SLC16A12: variants seen among roughly 807,000 people sequenced by gnomAD.
SLC16A12 encodes the protein monocarboxylate transporter 12.
In SLC16A12, 17 loss-of-function variants were observed where a neutral mutation model predicts 42.4. The observed-to-expected ratio is 0.40, with a 90% confidence interval of 0.27 to 0.60. SLC16A12 has a LOEUF of 0.60. Ranked by LOEUF, SLC16A12 falls within the 20% of genes least tolerant of loss-of-function variation. SLC16A12 has a pLI of 0.42. For missense variants in SLC16A12, 544 were observed against 623.0 expected, an observed-to-expected ratio of 0.87 and a Z score of 1.35; for synonymous variants, 224 against 229.4, an observed-to-expected ratio of 0.98 and a Z score of 0.21.
At chr10:89,520,008 G>C (rs1843327140) in intron 2 of SLC16A12, among the ~76,000 whole-genome samples, 1 of 151,556 alleles carries the variant, frequency 6.6e-6, no homozygotes, top group Non-Finnish European at 1.5e-5. Context: ...AGCTACTCGG[G>C]AGGCTGAGGC....
intron 7 of SLC16A12, among the ~76,000 whole-genome samples, chr10:89,435,024 C>T (rs1472128943): frequency 6.6e-6 from 1 of 152,214 alleles, no homozygotes; most frequent in Non-Finnish European, 1.5e-5. Flanking sequence ...GCTAGTTACA[C>T]ATGCAATATG....
chr10:89,523,549 C>T (rs1413803335), intron 2 of SLC16A12, among the ~76,000 whole-genome samples: 3 of 152,200 alleles, frequency 2.0e-5, no homozygotes, highest in Admixed American at 6.5e-5. Context: ...GGAGTCTCTA[C>T]TATTTATCTT....
At chr10:89,499,421 G>C (rs767792152) in intron 2 of SLC16A12, among the ~76,000 whole-genome samples, 3 of 152,114 alleles carry the variant, frequency 2.0e-5, no homozygotes, top group Non-Finnish European at 4.4e-5. Flanking sequence ...GGGTGTGGTG[G>C]TGTGTGCCTG....
At chr10:89,533,149 G>T (rs1236031687) in intron 2 of SLC16A12, among the ~76,000 whole-genome samples, 1 of 149,778 alleles carries the variant, frequency 6.7e-6, no homozygotes, top group Non-Finnish European at 1.5e-5. Flanking sequence ...TTTTTTTGTT[G>T]TTGTTGTTGT....
chr10:89,489,426 G>C (rs769512567), intron 2 of SLC16A12, among the ~76,000 whole-genome samples: 1 of 152,034 alleles, frequency 6.6e-6, no homozygotes, highest in African/African-American at 2.4e-5. Context: ...TGCAACCTCT[G>C]TCTCCCGGGC....
intron 2 of SLC16A12, among the ~76,000 whole-genome samples, chr10:89,475,872 C>T (rs1358480600): frequency 1.3e-5 from 2 of 152,194 alleles, no homozygotes; most frequent in Non-Finnish European, 2.9e-5. Context: ...ACGAGGCAGA[C>T]AGTAGAAAGC....
At chr10:89,463,628 T>C (rs566893194) in intron 2 of SLC16A12, among the ~76,000 whole-genome samples, 1 of 152,340 alleles carries the variant, frequency 6.6e-6, no homozygotes, top group East Asian at 1.9e-4. Flanking sequence ...CGTTAATTTG[T>C]CTAAATTAAA....
chr10:89,456,462 C>A (rs529606492), intron 3 of SLC16A12, among the ~76,000 whole-genome samples: 2 of 152,200 alleles, frequency 1.3e-5, no homozygotes, highest in African/African-American at 4.8e-5. Flanking sequence ...ATCAACCCAA[C>A]TCAAGTGGCC....
At chr10:89,476,731 C>T (rs1303856683) in intron 2 of SLC16A12, among the ~76,000 whole-genome samples, 2 of 152,254 alleles carry the variant, frequency 1.3e-5, no homozygotes, top group Non-Finnish European at 2.9e-5. Flanking sequence ...AGAACCCTAA[C>T]TGACTACATC....
At chr10:89,519,985 C>T (rs998129364) in intron 2 of SLC16A12, among the ~76,000 whole-genome samples, 2 of 150,868 alleles carry the variant, frequency 1.3e-5, no homozygotes, top group Admixed American at 6.6e-5. Context: ...TGGTGGTGGG[C>T]GCCTGTAATC....
chr10:89,539,881 C>CTTTCTTTCTTTCTTTATTTA (rs965365785), upstream of SLC16A12, among the ~76,000 whole-genome samples: 2 of 143,986 alleles, frequency 1.4e-5, no homozygotes, highest in Non-Finnish European at 3.0e-5. Context: ...TTCTTTCTTT[C>CTTTCTTTCTTTCTTTATTTA]TTTCTTTCTT....
chr10:89,462,000 G>C (rs1842307797), intron 3 of SLC16A12, among the ~76,000 whole-genome samples: 1 of 152,182 alleles, frequency 6.6e-6, no homozygotes, highest in Admixed American at 6.5e-5. Context: ...TTATGAAAAT[G>C]AATGGCTGGA....
intron 2 of SLC16A12, among the ~76,000 whole-genome samples, chr10:89,514,803 C>T (rs1589719769): frequency 6.6e-6 from 1 of 152,144 alleles, no homozygotes; most frequent in East Asian, 1.9e-4. Context: ...AAGGAGCGGG[C>T]CGGGTGCGCG....
intron 7 of SLC16A12, 54 bp from the exon 8 acceptor site, chr10:89,433,380 C>G: frequency 6.4e-7 from 1 of 1,569,142 alleles, no homozygotes. Flanking sequence ...CAATTGCTTA[C>G]CCACTCTCAA....
chr10:89,541,169 G>A (rs1035059340), intron 2 of SLC16A12, among the ~76,000 whole-genome samples: 2 of 151,294 alleles, frequency 1.3e-5, no homozygotes, highest in Admixed American at 6.6e-5. Flanking sequence ...CTCGTGATCC[G>A]CCCGCCTCGG....
intron 6 of SLC16A12, among the ~76,000 whole-genome samples, chr10:89,436,804 G>A (rs12249613): frequency 7.6e-6 from 1 of 131,372 alleles, no homozygotes; most frequent in Admixed American, 7.4e-5. Context: ...GAAAGGAAAG[G>A]AGGAAGGAAG....
At chr10:89,537,122 A>C (rs1303473509), upstream of SLC16A12, among the ~76,000 whole-genome samples, 3 of 148,988 alleles carry the variant, frequency 2.0e-5, no homozygotes, top group South Asian at 2.1e-4. Flanking sequence ...AGCATTTGCC[A>C]CGCAGCAAGG....
intron 2 of SLC16A12, among the ~76,000 whole-genome samples, chr10:89,483,738 T>TAAA (rs1253654983): frequency 3.7e-4 from 23 of 62,274 alleles, no homozygotes; most frequent in African/African-American, 1.3e-3. Flanking sequence ...ACGCTGCCTC[T>TAAA]AAAAAAAAAA....
intron 6 of SLC16A12, among the ~76,000 whole-genome samples, chr10:89,436,942 G>T (rs1841810007): frequency 6.6e-6 from 1 of 151,352 alleles, no homozygotes; most frequent in African/African-American, 2.4e-5. Flanking sequence ...ATCTCAAAAT[G>T]TTGTAAGAAA....
Sources: gnomAD v4.1 joint callset for allele counts (sites outside exome capture counted in the v4.1 genomes callset) on GRCh38, gnomAD v4.1.1 for gene constraint, MANE v1.5 for transcripts, NCBI Gene and HGNC (gene_info 2026-07-23, HGNC 2026-07-21) for gene names.